Variants in PRIM2 observed in about 807,000 individuals in gnomAD.
PRIM2 encodes DNA primase large subunit.
PRIM2 carries 39 observed loss-of-function variants against 67.3 expected under a neutral mutation model. The observed-to-expected ratio is 0.58, with a 90% CI of 0.45 to 0.76. PRIM2 has a LOEUF of 0.76. Among genes scored for constraint, PRIM2 ranks in the 30% least tolerant of loss-of-function variants. The pLI is 0.00. For synonymous variants in PRIM2, 143 were observed against 198.7 expected, an observed-to-expected ratio of 0.72 and a Z score of 2.36; for missense variants, 398 against 598.7, an observed-to-expected ratio of 0.66 and a Z score of 3.50.
chr6:57,474,935 T>C (rs1488653103), intron 7 of PRIM2, among the ~76,000 whole-genome samples: 4 of 152,156 alleles, frequency 2.6e-5, no homozygotes, highest in Non-Finnish European at 4.4e-5. Context: ...GGGGAGCATA[T>C]TGACTTGATT....
At chr6:57,585,630 C>T (rs1282767145) in intron 10 of PRIM2, among the ~76,000 whole-genome samples, 55 of 152,102 alleles carry the variant, frequency 3.6e-4, no homozygotes, top group African/African-American at 1.1e-3. Flanking sequence ...GATTAGATAC[C>T]GAGGGTGATC....
intron 7 of PRIM2, among the ~76,000 whole-genome samples, chr6:57,383,926 C>T (rs951765620): frequency 3.9e-5 from 6 of 152,264 alleles, no homozygotes; most frequent in African/African-American, 9.6e-5. Context: ...TCAGTGTCTG[C>T]GTTAGTTAGT....
the PRIM2 span, among the ~76,000 whole-genome samples, chr6:57,279,446 G>A: frequency 1.3e-5 from 2 of 152,068 alleles, no homozygotes; most frequent in Non-Finnish European, 1.5e-5. Flanking sequence ...GAGAAACCTT[G>A]TGTGGATCCG....
the PRIM2 span, among the ~76,000 whole-genome samples, chr6:57,227,758 C>T: frequency 6.6e-6 from 1 of 151,862 alleles, no homozygotes; most frequent in East Asian, 1.9e-4. Flanking sequence ...AGGTAAAGGT[C>T]ACATACCCTA....
rs1442635449 is a variant in PRIM2, at chr6:57,367,599, C to CT, written c.460-12300dup. Among the ~76,000 whole-genome samples, 7 of 152,310 alleles carry CT rather than the reference C, an allele frequency of 4.6e-5. No individual in the cohort carries two copies. In the East Asian group the frequency reaches 9.6e-4, roughly 21 times the overall value. On this transcript the variant is annotated intron_variant, in intron 5 of 13. Coordinates refer to ENST00000615550, the MANE Select transcript of PRIM2 (RefSeq NM_000947.5). ...TCGAGGGTTAGGGATTCAGAATGGG[C>CT]TTACAGGGCAATTGTTCTGTTCCAC...
chr6:57,522,120 A>G (rs1774638287), intron 8 of PRIM2, among the ~76,000 whole-genome samples: 2 of 152,160 alleles, frequency 1.3e-5, no homozygotes, highest in South Asian at 4.2e-4. Context: ...TGCTTCCCTA[A>G]TAGTATAAAT....
intron 5 of PRIM2, among the ~76,000 whole-genome samples, chr6:57,349,918 C>T (rs572617721): frequency 6.6e-6 from 1 of 152,122 alleles, no homozygotes; most frequent in Non-Finnish European, 1.5e-5. Context: ...TCTTCTTAAA[C>T]CTTCAATATG....
chr6:57,326,928 G>A (rs1767885641), intron 5 of PRIM2, among the ~76,000 whole-genome samples: 1 of 135,580 alleles, frequency 7.4e-6, no homozygotes, highest in Non-Finnish European at 1.5e-5. Flanking sequence ...TTGAGATGGA[G>A]CCTCACTCTG....
intron 10 of PRIM2, among the ~76,000 whole-genome samples, chr6:57,594,868 A>C (rs1255301983): frequency 1.3e-5 from 2 of 152,226 alleles, no homozygotes; most frequent in Non-Finnish European, 2.9e-5. Flanking sequence ...TTACAATTAC[A>C]TTTGACAAAA....
At chr6:57,313,369 T>C (rs1343086457), upstream of PRIM2, among the ~76,000 whole-genome samples, 1 of 152,198 alleles carries the variant, frequency 6.6e-6, no homozygotes, top group Non-Finnish European at 1.5e-5. Flanking sequence ...GAGCAGGATT[T>C]TTTGGCTCTC....
chr6:57,376,054 A>G (rs1769752148), intron 5 of PRIM2, among the ~76,000 whole-genome samples: 2 of 152,190 alleles, frequency 1.3e-5, no homozygotes, highest in East Asian at 1.9e-4. Context: ...AAGAAAAAAT[A>G]TAATATTAAA....
chr6:57,489,574 G>T (rs1281012644), intron 7 of PRIM2, among the ~76,000 whole-genome samples: 5 of 152,282 alleles, frequency 3.3e-5, no homozygotes, highest in Non-Finnish European at 7.3e-5. Flanking sequence ...AAAGAAAAGG[G>T]TTAGATTATT....
At chr6:57,394,543 T>G (rs1770457467) in intron 7 of PRIM2, among the ~76,000 whole-genome samples, 1 of 152,186 alleles carries the variant, frequency 6.6e-6, no homozygotes, top group African/African-American at 2.4e-5. Context: ...TCAATTCTTT[T>G]ATCAGTTCTA....
intron 7 of PRIM2, among the ~76,000 whole-genome samples, chr6:57,422,226 C>G (rs887851336): frequency 2.4e-5 from 3 of 125,626 alleles, no homozygotes; most frequent in East Asian, 2.5e-4. Flanking sequence ...GTGATCTCGG[C>G]TCACTGCAAC....
intron 7 of PRIM2, among the ~76,000 whole-genome samples, chr6:57,391,549 T>C (rs1581856768): frequency 6.6e-6 from 1 of 152,312 alleles, no homozygotes; most frequent in South Asian, 2.1e-4. Flanking sequence ...ATATATGGTA[T>C]AAGGAAAAGT....
chr6:57,254,923 T>C, the PRIM2 span, among the ~76,000 whole-genome samples: 31 of 152,206 alleles, frequency 2.0e-4, no homozygotes, highest in African/African-American at 7.2e-4. Flanking sequence ...CACAGACATA[T>C]AGCTTAGAAG....
the PRIM2 span, among the ~76,000 whole-genome samples, chr6:57,274,738 T>C: frequency 6.6e-6 from 1 of 152,204 alleles, no homozygotes; most frequent in Non-Finnish European, 1.5e-5. Context: ...CTGGGAGCTG[T>C]AGACTGGAGC....
In PRIM2 at chr6:57,418,540, G is replaced by A. The variant is rs180801011; in HGVS notation, c.693+36372G>A. Among the ~76,000 whole-genome samples the A allele has an allele frequency of 3.8e-3, 582 of 151,342 alleles. 3 individuals are homozygous for A. The highest frequency in any genetic ancestry group is 0.013 in the African/African-American group (549 of 41,196). ...GCCTTCCGAGTAGCTGGGACTACAG[G>A]CGCGTGCCACCACGCCCAGCTAATT... On this transcript the variant is annotated intron_variant, in intron 7 of 13. Coordinates refer to ENST00000615550, the MANE Select transcript of PRIM2 (RefSeq NM_000947.5).
intron 7 of PRIM2, chr6:57,497,307 G>T (rs1554346467): frequency 6.6e-6 from 1 of 152,114 alleles, no homozygotes; most frequent in Non-Finnish European, 1.5e-5. Flanking sequence ...AGGGAGAAAA[G>T]TCAGTGATCC....
Sources: gnomAD v4.1 joint callset for allele counts (sites outside exome capture counted in the v4.1 genomes callset) on GRCh38, gnomAD v4.1.1 for gene constraint, MANE v1.5 for transcripts, NCBI Gene and HGNC (gene_info 2026-07-23, HGNC 2026-07-21) for gene names.